RAP1GAP2: variants seen among roughly 807,000 people sequenced by gnomAD.
RAP1GAP2 encodes the protein rap1 GTPase-activating protein 2.
RAP1GAP2 carries 27 observed loss-of-function variants against 95.0 expected under a neutral mutation model. The ratio of observed to expected loss-of-function variants is 0.28; its 90% CI spans 0.21 to 0.39. The LOEUF is 0.39. Ranked by LOEUF, RAP1GAP2 falls within the 10% of genes least tolerant of loss-of-function variation. RAP1GAP2 has a pLI of 1.00. For missense variants in RAP1GAP2, 771 were observed against 970.0 expected, an observed-to-expected ratio of 0.79 and a Z score of 2.72; for synonymous variants, 373 against 380.9, an observed-to-expected ratio of 0.98 and a Z score of 0.24.
rs71153311 is a variant in RAP1GAP2 at position 2,932,584 on chromosome 17, C to CAA, written c.166-25156_166-25155dup. Among the ~76,000 whole-genome samples the CAA allele has an allele frequency of 2.5e-3, 132 of 52,262 alleles. 2 individuals are homozygous for CAA. Among genetic ancestry groups the CAA allele is most frequent in the African/African-American group, 4.2e-3 (55 of 13,238 alleles). The allele number at this position is 52,262 out of a possible 152,430, so 34.3% of individuals were successfully genotyped here. On this transcript the variant is annotated intron_variant, in intron 3 of 24. Transcript: ENST00000254695. ...TGGGTGACAGAGTGAGACTCCATCTCAAAAAAAAAAAAAAAAAAAAGAGGA... is the reference window on the plus strand; with the variant it reads ...TGGGTGACAGAGTGAGACTCCATCTCAAAAAAAAAAAAAAAAAAAAAAGAGGA...
upstream of RAP1GAP2, among the ~76,000 whole-genome samples, chr17:2,796,177 C>G (rs1033042906): frequency 3.3e-5 from 5 of 152,100 alleles, no homozygotes; most frequent in African/African-American, 9.7e-5. The surrounding 1 kb of genome is among the most constrained non-coding windows in gnomAD (Gnocchi z 4.7). Context: ...CCTTGGGGCG[C>G]CTTTGGGTTC....
At chr17:2,936,507 G>A (rs527264602) in intron 3 of RAP1GAP2, among the ~76,000 whole-genome samples, 5 of 151,526 alleles carry the variant, frequency 3.3e-5, no homozygotes, top group South Asian at 4.2e-4. Flanking sequence ...TCCCTGCCTC[G>A]AACCTCTTTC....
chr17:2,974,064 G>A (rs892146587), intron 8 of RAP1GAP2, among the ~76,000 whole-genome samples: 9 of 152,052 alleles, frequency 5.9e-5, no homozygotes, highest in African/African-American at 1.4e-4. Context: ...AGAAGGGGCC[G>A]GGCGTGGTGT....
intron 2 of RAP1GAP2, among the ~76,000 whole-genome samples, chr17:2,804,938 C>T (rs1159187847): frequency 1.3e-5 from 2 of 152,198 alleles, no homozygotes; most frequent in South Asian, 4.1e-4. Context: ...TAGGAGTTTG[C>T]ATTCATGCCT....
intron 2 of RAP1GAP2, among the ~76,000 whole-genome samples, chr17:2,894,671 G>A (rs1472762100): frequency 6.6e-6 from 1 of 152,102 alleles, no homozygotes; most frequent in Admixed American, 6.6e-5. Flanking sequence ...TCTGTATCAC[G>A]GCTGAAGCGT....
At chr17:2,787,264 T>C (rs1386534031) in intron 1 of RAP1GAP2, among the ~76,000 whole-genome samples, 2 of 151,512 alleles carry the variant, frequency 1.3e-5, no homozygotes, top group Non-Finnish European at 2.9e-5. Flanking sequence ...GTTTTTTTTT[T>C]TTTTTCTTTT....
At chr17:2,969,085 C>G (rs1017288934) in intron 8 of RAP1GAP2, among the ~76,000 whole-genome samples, 1 of 151,912 alleles carries the variant, frequency 6.6e-6, no homozygotes, top group African/African-American at 2.4e-5. Flanking sequence ...ATTTTTAACA[C>G]ACATCACTTG....
At chr17:2,767,032 C>T (rs2068288232) in intron 1 of RAP1GAP2, among the ~76,000 whole-genome samples, 1 of 151,456 alleles carries the variant, frequency 6.6e-6, no homozygotes, top group Non-Finnish European at 1.5e-5. Flanking sequence ...TACAGGCTGA[C>T]AGGCAGGCAC....
In RAP1GAP2 at chr17:2,847,755, G is replaced by A. The variant is rs187321368; in HGVS notation, c.80+47205G>A. 1.9e-3 allele frequency among the ~76,000 whole-genome samples: 295 copies of A among 152,220 alleles called. 1 individual carries two copies. Among genetic ancestry groups the A allele is most frequent in the African/African-American group, 6.8e-3 (284 of 41,548 alleles). On this transcript the variant is annotated intron_variant, in intron 2 of 24. Transcript: ENST00000254695. ...TTTGGTAATCAGTGAGGCGGGGGCC[G>A]GGGGACCTTGGGTTGGAGAGGGACT...
intron 17 of RAP1GAP2, among the ~76,000 whole-genome samples, chr17:3,010,896 C>T (rs1046435001): frequency 7.9e-5 from 12 of 152,044 alleles, no homozygotes; most frequent in African/African-American, 1.4e-4. Flanking sequence ...AGGGCCCTGA[C>T]GGTTGTGACC....
At chr17:2,817,729 T>C (rs868115170) in intron 2 of RAP1GAP2, among the ~76,000 whole-genome samples, 1 of 118,714 alleles carries the variant, frequency 8.4e-6, no homozygotes, top group African/African-American at 2.8e-5. Context: ...CCATGTTGGC[T>C]AGGCTGGTCT....
At chr17:2,889,885 A>ATTT (rs1356255749) in intron 2 of RAP1GAP2, among the ~76,000 whole-genome samples, 33 of 44,862 alleles carry the variant, frequency 7.4e-4, no homozygotes, top group African/African-American at 2.6e-3. Context: ...ATATATATAT[A>ATTT]TATATTTTTT....
chr17:2,836,844 A>T (rs2071152149), intron 2 of RAP1GAP2, among the ~76,000 whole-genome samples: 1 of 152,178 alleles, frequency 6.6e-6, no homozygotes, highest in African/African-American at 2.4e-5. Flanking sequence ...CTCAGTAGGT[A>T]TGATTAAGCT....
At chr17:2,968,440 T>C (rs1353362223) in intron 8 of RAP1GAP2, among the ~76,000 whole-genome samples, 1 of 152,120 alleles carries the variant, frequency 6.6e-6, no homozygotes, top group Non-Finnish European at 1.5e-5. Context: ...ATATGGATAA[T>C]TGATGTTGTC....
intron 1 of RAP1GAP2, among the ~76,000 whole-genome samples, chr17:2,758,722 G>A (rs184262559): frequency 3.7e-4 from 56 of 152,226 alleles, no homozygotes; most frequent in Non-Finnish European, 6.5e-4. Context: ...AATGAATCAG[G>A]ATTCTTTCAC....
intron 2 of RAP1GAP2, among the ~76,000 whole-genome samples, chr17:2,834,119 T>G (rs2071028437): frequency 6.6e-6 from 1 of 152,142 alleles, no homozygotes; most frequent in Non-Finnish European, 1.5e-5. Context: ...TCAAAAGCCC[T>G]CCAGAGGGCT....
chr17:2,936,797 A>C (rs537145290), intron 3 of RAP1GAP2, among the ~76,000 whole-genome samples: 18 of 152,274 alleles, frequency 1.2e-4, no homozygotes, highest in Admixed American at 2.6e-4. Flanking sequence ...CCTTCCTTGC[A>C]GGAGAGCCAT....
intron 2 of RAP1GAP2, among the ~76,000 whole-genome samples, chr17:2,869,526 T>G (rs561693859): frequency 6.6e-6 from 1 of 152,260 alleles, no homozygotes; most frequent in African/African-American, 2.4e-5. Context: ...TGGGGTGGGC[T>G]GGCTGGTGGT....
At chr17:2,882,181 C>T (rs925682395) in intron 2 of RAP1GAP2, among the ~76,000 whole-genome samples, 2 of 146,432 alleles carry the variant, frequency 1.4e-5, no homozygotes, top group African/African-American at 5.1e-5. Context: ...GGCTAGAGTG[C>T]AGTGGTGCGT....
Sources: gnomAD v4.1 joint callset for allele counts (sites outside exome capture counted in the v4.1 genomes callset) on GRCh38, gnomAD v4.1.1 for gene constraint, Gnocchi (gnomAD v3.1) non-coding constraint, MANE v1.5 for transcripts, NCBI Gene and HGNC (gene_info 2026-07-23, HGNC 2026-07-21) for gene names.